KSR2: variants seen among roughly 807,000 people sequenced by gnomAD.
KSR2 encodes the protein kinase suppressor of ras 2.
KSR2 carries 25 observed loss-of-function variants against 107.8 expected under a neutral mutation model. The ratio of observed to expected loss-of-function variants is 0.23; its 90% CI spans 0.17 to 0.32. The LOEUF (loss-of-function observed/expected upper bound fraction) is 0.32, where lower values mean the gene tolerates loss of function less well. KSR2 is among the 10% of genes least tolerant of loss of function. The pLI is 1.00. For missense variants in KSR2, 887 were observed against 1,268.9 expected (o/e 0.70, Z 4.57); for synonymous variants, 480 against 507.0 (o/e 0.95, Z 0.71).
At chr12:117,641,337 G>A (rs113312950) in intron 5 of KSR2, among the ~76,000 whole-genome samples, 1 of 152,186 alleles carries the variant, frequency 6.6e-6, no homozygotes, top group South Asian at 2.1e-4. Flanking sequence ...CCTCAGAGCC[G>A]ACCCACCTGC....
chr12:117,525,719 G>A (rs1448147220), intron 13 of KSR2, among the ~76,000 whole-genome samples: 30 of 152,178 alleles, frequency 2.0e-4, no homozygotes, highest in Admixed American at 2.0e-3. Context: ...AAAACAATGG[G>A]TACATCGTGC....
chr12:117,566,381 A>C (rs1323851850), intron 7 of KSR2, among the ~76,000 whole-genome samples: 1 of 152,124 alleles, frequency 6.6e-6, no homozygotes, highest in African/African-American at 2.4e-5. Context: ...TGGCCTCCCA[A>C]AGTGCTGGGA....
intron 1 of KSR2, among the ~76,000 whole-genome samples, chr12:117,860,655 G>C (rs776269105): frequency 6.6e-5 from 10 of 152,254 alleles, no homozygotes; most frequent in African/African-American, 2.4e-4. Context: ...GGGAGGCGGC[G>C]CACATTAGTA....
chr12:117,592,154 C>A (rs1880360453), intron 5 of KSR2, among the ~76,000 whole-genome samples: 1 of 151,180 alleles, frequency 6.6e-6, no homozygotes, highest in Non-Finnish European at 1.5e-5. Context: ...GTCTCACTCA[C>A]CCAGGCTGGA....
At chr12:117,656,782 G>A (rs1252455180) in intron 5 of KSR2, among the ~76,000 whole-genome samples, 1 of 151,674 alleles carries the variant, frequency 6.6e-6, no homozygotes, top group Non-Finnish European at 1.5e-5. Flanking sequence ...GGATCTTCCT[G>A]CCCTTGAATA....
rs780164038 is a variant in KSR2 at position 117,524,944 on chromosome 12, C to G, written c.2127G>C (p.Arg709=). The change falls in exon 14 of 20, where the codon CGG becomes CGC. Residue 709 remains arginine, a synonymous_variant. Transcript: ENST00000339824. ...DNEDQLKAFK[R]EVMAYRQTRH... ...GTGTCTGCCTGTAGGCCATCACCTC[C>G]CGCTTGAAGGCCTTGAGCTGGTCCT... 8 of 1,613,930 alleles carry G rather than the reference C, an allele frequency of 5.0e-6. No individual in the cohort carries two copies. In the East Asian group the frequency reaches 1.6e-4, roughly 31 times the overall value.
At chr12:117,751,163 G>T (rs1259669392) in intron 4 of KSR2, among the ~76,000 whole-genome samples, 1 of 152,092 alleles carries the variant, frequency 6.6e-6, no homozygotes, top group Non-Finnish European at 1.5e-5. Context: ...TTTATAAAGG[G>T]CTTTTCCCCA....
intron 5 of KSR2, among the ~76,000 whole-genome samples, chr12:117,615,576 A>G (rs1310844537): frequency 6.6e-6 from 1 of 152,130 alleles, no homozygotes; most frequent in Non-Finnish European, 1.5e-5. Context: ...TCATAAGGAA[A>G]CTCAAGGAGA....
At chr12:117,521,573 A>G (rs1874762594) in intron 14 of KSR2, among the ~76,000 whole-genome samples, 1 of 152,198 alleles carries the variant, frequency 6.6e-6, no homozygotes, top group Admixed American at 6.5e-5. Context: ...TTGGGTAACT[A>G]GTTGGTTATT....
intron 5 of KSR2, among the ~76,000 whole-genome samples, chr12:117,656,981 G>GAGATATATATATAATATTATAT: frequency 1.0e-5 from 1 of 98,204 alleles, no homozygotes; most frequent in East Asian, 3.1e-4. Context: ...TATATAATAG[G>GAGATATATATATAATATTATAT]ATATATATAT....
At chr12:117,579,705 G>C (rs1049705756) in intron 6 of KSR2, among the ~76,000 whole-genome samples, 3 of 152,186 alleles carry the variant, frequency 2.0e-5, no homozygotes, top group Admixed American at 1.3e-4. Flanking sequence ...ATCACCTGGG[G>C]AGTATCAAAG....
intron 1 of KSR2, among the ~76,000 whole-genome samples, chr12:117,908,107 T>C (rs1894909675): frequency 6.6e-6 from 1 of 152,204 alleles, no homozygotes; most frequent in South Asian, 2.1e-4. Context: ...TAATTCATAT[T>C]TCGTGTTGAA....
chr12:117,454,106 G>A lies in KSR2; in HGVS notation c.*13093C>T, dbSNP rs1367235372. The A allele has an allele frequency of 6.6e-6, 1 of 152,192 alleles. No individual in the cohort carries two copies. Among genetic ancestry groups the A allele is most frequent in the Non-Finnish European group, 1.5e-5 (1 of 68,038 alleles). The allele number at this position is 152,192 out of a possible 1,614,324, so 9.4% of individuals were successfully genotyped here. ...TCCCCCTAGAGGTGGGATTCTGGGG[G>A]AGGTTCATTTGGGTGATTGAGAAGA... On this transcript the variant is annotated 3_prime_UTR_variant, in exon 20 of 20. Transcript: ENST00000339824.
At chr12:117,722,670 T>C (rs758044969) in intron 4 of KSR2, among the ~76,000 whole-genome samples, 7 of 152,180 alleles carry the variant, frequency 4.6e-5, no homozygotes, top group Non-Finnish European at 1.0e-4. Context: ...GAAATAACCA[T>C]AAAAATGGGC....
intron 11 of KSR2, 117 bp downstream of exon 11, chr12:117,531,549 A>C: frequency 1.2e-6 from 1 of 841,058 alleles, no homozygotes; most frequent in Non-Finnish European, 1.9e-6. Flanking sequence ...TGGTGACTCC[A>C]CTACCCTCTT....
Position 117,734,044 on chromosome 12 carries a change from G to A in KSR2, c.986+26967C>T, listed in dbSNP as rs147030509. Among the ~76,000 whole-genome samples, 595 of 152,314 alleles carry A rather than the reference G, an allele frequency of 3.9e-3. 4 individuals carry two copies. Among genetic ancestry groups the A allele is most frequent in the African/African-American group, 0.013 (541 of 41,570 alleles). The stretch of plus-strand genomic sequence containing the variant: ...ACGCTGGTGCCCAGCACTTTGGGAG[G>A]CTGAGGCAGGCAGATCACTTGAGGT... On this transcript the variant is annotated intron_variant, in intron 4 of 19. Coordinates refer to ENST00000339824, the MANE Select transcript of KSR2 (RefSeq NM_173598.6).
intron 4 of KSR2, among the ~76,000 whole-genome samples, chr12:117,706,574 G>A (rs1886538715): frequency 6.6e-6 from 1 of 152,028 alleles, no homozygotes; most frequent in Non-Finnish European, 1.5e-5. Context: ...AAGCCGATCA[G>A]TGGTTGCCTG....
At chr12:117,923,366 C>T (rs1278793066) in intron 1 of KSR2, among the ~76,000 whole-genome samples, 1 of 152,192 alleles carries the variant, frequency 6.6e-6, no homozygotes, top group East Asian at 1.9e-4. Flanking sequence ...TTCGTTAACT[C>T]AGGATTCAGG....
intron 4 of KSR2, among the ~76,000 whole-genome samples, chr12:117,681,809 C>T (rs954177034): frequency 9.2e-5 from 14 of 152,148 alleles, no homozygotes; most frequent in Admixed American, 1.3e-4. Context: ...AACACTTTTA[C>T]ACTACTGGCA....
Sources: allele counts gnomAD v4.1 joint callset (sites outside exome capture counted in the v4.1 genomes callset), GRCh38; gene constraint gnomAD v4.1.1; transcripts MANE v1.5; gene names NCBI Gene and HGNC (gene_info 2026-07-23, HGNC 2026-07-21).